Variants in KCNU1 observed in about 807,000 individuals in gnomAD.
KCNU1 encodes the protein potassium calcium-activated channel subfamily U member 1.
In KCNU1, 93 loss-of-function variants were observed where a neutral mutation model predicts 126.8. The observed-to-expected ratio is 0.73, with a 90% CI of 0.62 to 0.87. KCNU1 has a LOEUF of 0.87. KCNU1 is among the 40% of genes least tolerant of loss of function. The probability of loss-of-function intolerance (pLI) is 0.00; values close to 1 mark genes in which losing one functional copy is unlikely to be tolerated. For synonymous variants in KCNU1, 523 were observed against 494.2 expected, an observed-to-expected ratio of 1.06 and a Z score of -0.77; for missense variants, 1,330 against 1,367.1, an observed-to-expected ratio of 0.97 and a Z score of 0.43.
At chr8:36,873,276 C>T (rs1419364941) in intron 19 of KCNU1, among the ~76,000 whole-genome samples, 1 of 151,758 alleles carries the variant, frequency 6.6e-6, no homozygotes, top group African/African-American at 2.4e-5. Context: ...CCAACCCCCA[C>T]CCCTTTCTTT....
intron 19 of KCNU1, among the ~76,000 whole-genome samples, chr8:36,879,402 G>A (rs1410441029): frequency 1.3e-5 from 2 of 151,848 alleles, no homozygotes; most frequent in East Asian, 3.8e-4. Flanking sequence ...CTTGAGAAAT[G>A]TATGTCTGGT....
intron 18 of KCNU1, among the ~76,000 whole-genome samples, chr8:36,855,108 G>A (rs1198391658): frequency 6.6e-6 from 1 of 152,112 alleles, no homozygotes; most frequent in East Asian, 1.9e-4. Context: ...GTCAGTTAGA[G>A]ATGAGAGCTT....
Position 36,817,666 on chromosome 8 carries a change from G to A in KCNU1, c.1012G>A (p.Gly338Arg). 6.2e-7 allele frequency: 1 copy of A among 1,609,620 alleles called. No individual in the cohort carries two copies. Among genetic ancestry groups the A allele is most frequent in the Non-Finnish European group, 8.5e-7 (1 of 1,176,042 alleles). ...GCTGCCTAGGTTTATTGTGGTCTGTGGAAACATCACTGTGGACAGTGTGAC... is the reference window on the plus strand; with the variant it reads ...GCTGCCTAGGTTTATTGTGGTCTGTAGAAACATCACTGTGGACAGTGTGAC... ...LKGKKFIVVC[G>R]NITVDSVTAF... Residue 338 changes from glycine (G) to arginine (R), a missense_variant, in exon 10 of 27, where the codon GGA becomes AGA. Around this residue, in one of 3 missense-constraint regions of KCNU1, gnomAD observed 1,054 missense variants for 1,053.9 expected, o/e 1.00. Coordinates refer to ENST00000399881, the MANE Select transcript of KCNU1 (RefSeq NM_001031836.3).
At chr8:36,907,136 T>C (rs1807663332) in intron 20 of KCNU1, among the ~76,000 whole-genome samples, 1 of 152,186 alleles carries the variant, frequency 6.6e-6, no homozygotes, top group Admixed American at 6.6e-5. Context: ...TTAAAATTGC[T>C]AAGGAATTTG....
intron 19 of KCNU1, 120 bp downstream of exon 19, chr8:36,864,641 T>C (rs1370427580): frequency 1.5e-6 from 1 of 648,240 alleles, no homozygotes; most frequent in African/African-American, 1.8e-5. Flanking sequence ...ATGGAATTGT[T>C]CCTCCCCAAA....
At chr8:36,933,884 T>C (rs1021179470) in intron 26 of KCNU1, among the ~76,000 whole-genome samples, 5 of 152,092 alleles carry the variant, frequency 3.3e-5, no homozygotes, top group African/African-American at 1.2e-4. Context: ...CAGTGCACAG[T>C]CATTGCTGAG....
chr8:36,889,534 G>C (rs1806871023), intron 19 of KCNU1, among the ~76,000 whole-genome samples: 1 of 151,684 alleles, frequency 6.6e-6, no homozygotes, highest in African/African-American at 2.4e-5. Context: ...AGAAAGAGAG[G>C]GAATAAGTAC....
At chr8:36,846,666 G>A (rs1437511068) in intron 18 of KCNU1, among the ~76,000 whole-genome samples, 1 of 152,040 alleles carries the variant, frequency 6.6e-6, no homozygotes, top group Admixed American at 6.6e-5. Flanking sequence ...GCTGGGCGTG[G>A]CAGCGTGTGC....
chr8:36,911,939 A>G (rs1327162593), intron 22 of KCNU1, among the ~76,000 whole-genome samples: 2 of 152,212 alleles, frequency 1.3e-5, no homozygotes, highest in Non-Finnish European at 2.9e-5. Flanking sequence ...CTATTTCTAA[A>G]AATTGACTAC....
intron 19 of KCNU1, among the ~76,000 whole-genome samples, chr8:36,865,639 G>C (rs940029265): frequency 4.0e-5 from 6 of 151,250 alleles, no homozygotes; most frequent in Non-Finnish European, 7.4e-5. Context: ...AGCCAGGCCT[G>C]GTGGCACACA....
chr8:36,931,094 G>T lies in KCNU1; in HGVS notation c.2880G>T (p.Arg960=), dbSNP rs769435361. 2 of 1,611,568 alleles carry T rather than the reference G, an allele frequency of 1.2e-6. No homozygotes were observed. The highest frequency in any genetic ancestry group is 3.3e-4 in the Middle Eastern group (2 of 6,048). ...SCTSLLSGRN[R]CKLGLLSLHE... ...CGTCGCTCTTGTCTGGAAGAAACCGGTGTAAGCTGGGGCTTCTGTCCTTAC... is the reference window on the plus strand; with the variant it reads ...CGTCGCTCTTGTCTGGAAGAAACCGTTGTAAGCTGGGGCTTCTGTCCTTAC... The change falls in exon 25 of 27, where the codon CGG becomes CGT. Residue 960 remains arginine, a synonymous_variant. Transcript: ENST00000399881.
intron 18 of KCNU1, among the ~76,000 whole-genome samples, chr8:36,857,195 C>A (rs1004641888): frequency 9.9e-5 from 15 of 152,208 alleles, no homozygotes; most frequent in African/African-American, 3.6e-4. Flanking sequence ...ACTGTGAAAC[C>A]TCTGCCTTGG....
intron 2 of KCNU1, chr8:36,795,393 T>G (rs1803058930): frequency 6.6e-6 from 1 of 152,432 alleles, no homozygotes; most frequent in African/African-American, 2.4e-5. Context: ...CATCCATGCC[T>G]TGTCCAGGCT....
chr8:36,855,982 C>G (rs902384329), intron 18 of KCNU1, among the ~76,000 whole-genome samples: 1 of 152,108 alleles, frequency 6.6e-6, no homozygotes, highest in African/African-American at 2.4e-5. Flanking sequence ...TAGTCCACAA[C>G]AGTCACATTT....
chr8:36,788,447 T>G (rs1374829355), intron 2 of KCNU1, among the ~76,000 whole-genome samples: 1 of 152,220 alleles, frequency 6.6e-6, no homozygotes, highest in Non-Finnish European at 1.5e-5. Flanking sequence ...ATCTAAAATA[T>G]GAAAAGATGA....
chr8:36,859,877 A>G (rs1805666167), intron 18 of KCNU1, among the ~76,000 whole-genome samples: 1 of 152,218 alleles, frequency 6.6e-6, no homozygotes, highest in African/African-American at 2.4e-5. Flanking sequence ...TAAAGAATAT[A>G]TAAATTGGTT....
intron 18 of KCNU1, among the ~76,000 whole-genome samples, chr8:36,862,023 G>C (rs1805748676): frequency 6.6e-6 from 1 of 151,848 alleles, no homozygotes; most frequent in South Asian, 2.1e-4. Context: ...TTTGTTTTTT[G>C]GTATCCAGTG....
intron 24 of KCNU1, chr8:36,922,962 T>A (rs1406552008): frequency 2.1e-6 from 1 of 484,034 alleles, no homozygotes; most frequent in African/African-American, 2.0e-5. Context: ...CTTTCCCTTC[T>A]CTCTGAAATC....
At chr8:36,791,383 C>T (rs1308463231) in intron 2 of KCNU1, among the ~76,000 whole-genome samples, 9 of 152,134 alleles carry the variant, frequency 5.9e-5, no homozygotes, top group Admixed American at 5.9e-4. Flanking sequence ...AAAATTATGG[C>T]TTATTTTTAG....
Sources: allele counts gnomAD v4.1 joint callset (sites outside exome capture counted in the v4.1 genomes callset), GRCh38; gene constraint gnomAD v4.1.1; regional missense constraint gnomAD v4.1.1; transcripts MANE v1.5; gene names NCBI Gene and HGNC (gene_info 2026-07-23, HGNC 2026-07-21).